Variants in TMEM26 observed in about 807,000 individuals in gnomAD.
The protein encoded by TMEM26 is transmembrane protein 26.
TMEM26 carries 38 observed loss-of-function variants against 28.8 expected under a neutral mutation model. The observed-to-expected ratio is 1.32, with a 90% CI of 1.02 to 1.73. The LOEUF (loss-of-function observed/expected upper bound fraction) is 1.73. Among genes scored for constraint, TMEM26 ranks in the 40% most tolerant of loss-of-function variants. TMEM26 has a pLI of 0.00. For missense variants in TMEM26, 518 were observed against 447.1 expected, an observed-to-expected ratio of 1.16 and a Z score of -1.43; for synonymous variants, 227 against 182.9, an observed-to-expected ratio of 1.24 and a Z score of -1.95.
intron 4 of TMEM26, among the ~76,000 whole-genome samples, chr10:61,426,861 A>T (rs1564476553): frequency 1.3e-5 from 2 of 152,196 alleles, no homozygotes; most frequent in East Asian, 3.9e-4. Flanking sequence ...AGATATTTGC[A>T]GTGTCTATTC....
intron 1 of TMEM26, among the ~76,000 whole-genome samples, chr10:61,446,572 G>A (rs1840184084): frequency 6.6e-6 from 1 of 152,018 alleles, no homozygotes; most frequent in Non-Finnish European, 1.5e-5. Context: ...TGTAATCCCA[G>A]CACTTTGGGA....
chr10:61,449,927 G>C (rs551846227), intron 1 of TMEM26, among the ~76,000 whole-genome samples: 3 of 151,968 alleles, frequency 2.0e-5, no homozygotes, highest in Non-Finnish European at 2.9e-5. Flanking sequence ...TAACTTTAGT[G>C]TCCTGATAAT....
At chr10:61,431,539 T>A (rs1839923544) in intron 2 of TMEM26, among the ~76,000 whole-genome samples, 1 of 152,076 alleles carries the variant, frequency 6.6e-6, no homozygotes. Context: ...AGTATACAAA[T>A]CTTATTTTTC....
At chr10:61,418,993 C>A (rs1839699403) in intron 4 of TMEM26, among the ~76,000 whole-genome samples, 1 of 152,140 alleles carries the variant, frequency 6.6e-6, no homozygotes, top group Non-Finnish European at 1.5e-5. Context: ...TGATTCCAAT[C>A]TGCCCAAGTT....
Position 61,452,929 on chromosome 10 carries a change from C to A in TMEM26, c.153G>T (p.Ala51=), listed in dbSNP as rs761541357. The change falls in exon 1 of 6, where the codon GCG becomes GCT. Residue 51 remains alanine (A), a synonymous_variant. Transcript: ENST00000399298. The part of the protein sequence containing the change: ...LLNLLLFLET[A]LTLKFKRGRG... ...TGCCGCGCTTGAACTTGAGGGTGAG[C>A]GCAGTCTCCAGGAAGAGCAAGAGGT... 1 of 1,614,048 alleles carries A rather than the reference C, an allele frequency of 6.2e-7. No individual in the cohort carries two copies.
intron 4 of TMEM26, among the ~76,000 whole-genome samples, chr10:61,423,738 A>T (rs1220242944): frequency 6.6e-6 from 1 of 152,192 alleles, no homozygotes; most frequent in Non-Finnish European, 1.5e-5. Flanking sequence ...GTCTCAAAAG[A>T]TAAAAAAAGA....
At chr10:61,446,727 G>A (rs555166612) in intron 1 of TMEM26, among the ~76,000 whole-genome samples, 2 of 145,794 alleles carry the variant, frequency 1.4e-5, no homozygotes, top group African/African-American at 2.5e-5. Context: ...GCCAAGGCAG[G>A]GGAATCGCTT....
chr10:61,427,835 ACAT>A (rs1345768901), intron 4 of TMEM26, among the ~76,000 whole-genome samples: 1 of 152,150 alleles, frequency 6.6e-6, no homozygotes, highest in Non-Finnish European at 1.5e-5. Flanking sequence ...TCTTGTAACA[ACAT>A]TGTATTCTAT....
intron 5 of TMEM26, 129 bp from the exon 6 acceptor site, chr10:61,410,875 G>T: frequency 2.1e-6 from 2 of 963,858 alleles, no homozygotes; most frequent in Non-Finnish European, 1.5e-6. Flanking sequence ...TTACAGGATG[G>T]AAATCAAATG....
intron 4 of TMEM26, among the ~76,000 whole-genome samples, chr10:61,419,633 T>C (rs1839710502): frequency 6.6e-6 from 1 of 151,650 alleles, no homozygotes; most frequent in Non-Finnish European, 1.5e-5. Flanking sequence ...AAAAATCGAA[T>C]CTGAAAGACA....
chr10:61,417,317 A>T (rs958169607), intron 4 of TMEM26, among the ~76,000 whole-genome samples: 9 of 152,050 alleles, frequency 5.9e-5, no homozygotes, highest in African/African-American at 2.2e-4. Flanking sequence ...GTAAGATAAA[A>T]GACTGGCATT....
At chr10:61,420,402 C>A (rs946063236) in intron 4 of TMEM26, among the ~76,000 whole-genome samples, 1 of 151,848 alleles carries the variant, frequency 6.6e-6, no homozygotes, top group Non-Finnish European at 1.5e-5. Context: ...CAGGCACACC[C>A]AATGTAAGTT....
Position 61,410,260 on chromosome 10 carries a change from A to T in TMEM26, c.*62T>A, listed in dbSNP as rs1285126444. The T allele has an allele frequency of 2.7e-6, 4 of 1,480,422 alleles. No individual in the cohort carries two copies. The Admixed American group carries it at 8.8e-5, about 33-fold the overall frequency. The allele number at this position is 1,480,422 out of a possible 1,614,324, so 91.7% of individuals were successfully genotyped here. On this transcript the variant is annotated 3_prime_UTR_variant, in exon 6 of 6. Coordinates refer to ENST00000399298, the MANE Select transcript of TMEM26 (RefSeq NM_178505.8). ...ACGCCAAGGTTGGAGGAGAAAAAGGATCCTCCCTGTAAGAAGAACCAGGGA... is the reference window on the plus strand; with the variant it reads ...ACGCCAAGGTTGGAGGAGAAAAAGGTTCCTCCCTGTAAGAAGAACCAGGGA...
chr10:61,452,863 C>T (rs369485388), intron 1 of TMEM26, 28 bp downstream of exon 1: 1 of 1,600,582 alleles, frequency 6.2e-7, no homozygotes, highest in South Asian at 1.1e-5. Context: ...GGGCCCCGTG[C>T]GCCCTCGCTT....
chr10:61,438,069 A>G (rs1331946965), intron 1 of TMEM26, among the ~76,000 whole-genome samples: 1 of 152,186 alleles, frequency 6.6e-6, no homozygotes. Flanking sequence ...TAACCCTTTC[A>G]CTAATATATT....
chr10:61,414,943 T>C (rs1409451019), intron 4 of TMEM26: 7 of 975,312 alleles, frequency 7.2e-6, no homozygotes, highest in Non-Finnish European at 8.5e-6. Context: ...GTGAATACTG[T>C]TAGGTGGATT....
chr10:61,448,881 AT>A (rs1840229577), intron 1 of TMEM26, among the ~76,000 whole-genome samples: 2 of 152,188 alleles, frequency 1.3e-5, no homozygotes, highest in Non-Finnish European at 2.9e-5. Context: ...CTTTCTACTT[AT>A]TCTCAGATAA....
intron 1 of TMEM26, among the ~76,000 whole-genome samples, chr10:61,439,241 C>T (rs543556301): frequency 6.6e-6 from 1 of 152,280 alleles, no homozygotes; most frequent in Non-Finnish European, 1.5e-5. Context: ...ACATGCTGTA[C>T]TGTTTTATAG....
At chr10:61,442,752 C>T (rs1840113835) in intron 1 of TMEM26, among the ~76,000 whole-genome samples, 1 of 152,202 alleles carries the variant, frequency 6.6e-6, no homozygotes, top group Non-Finnish European at 1.5e-5. Flanking sequence ...TCTAACAATG[C>T]AAAGGTTGTC....
Sources: allele counts gnomAD v4.1 joint callset (sites outside exome capture counted in the v4.1 genomes callset), GRCh38; gene constraint gnomAD v4.1.1; transcripts MANE v1.5; gene names NCBI Gene and HGNC (gene_info 2026-07-23, HGNC 2026-07-21).